The following MALRD1 variants were observed in gnomAD, a reference collection of about 807,000 sequenced individuals.
The protein encoded by MALRD1 is MAM and LDL-receptor class A domain-containing protein 1.
In MALRD1, 247 loss-of-function variants were observed where a neutral mutation model predicts 242.1. The ratio of observed to expected loss-of-function variants is 1.02; its 90% CI spans 0.92 to 1.13. The LOEUF is 1.13. Ranked by LOEUF, MALRD1 falls within the 50% of genes most tolerant of loss-of-function variation. The pLI is 0.00. For missense variants in MALRD1, 2,989 were observed against 2,533.1 expected, an observed-to-expected ratio of 1.18 and a Z score of -3.86; for synonymous variants, 995 against 866.6, an observed-to-expected ratio of 1.15 and a Z score of -2.60.
At chr10:19,569,682 T>C (rs1199843739) in intron 33 of MALRD1, among the ~76,000 whole-genome samples, 1 of 147,184 alleles carries the variant, frequency 6.8e-6, no homozygotes, top group Non-Finnish European at 1.5e-5. Flanking sequence ...TATTATATTA[T>C]TATATATTGT....
rs1030319070 is a variant in MALRD1, at chr10:19,680,560, A to C, written c.6138-11722A>C. On this transcript the variant is annotated intron_variant, in intron 36 of 39. Coordinates refer to ENST00000454679, the MANE Select transcript of MALRD1 (RefSeq NM_001142308.3). ...GATGTGAGATGGATCTCTTGAATGC[A>C]GCACACCGATGGGTCTTGACTCTGT... Among the ~76,000 whole-genome samples the C allele has an allele frequency of 1.4e-4, 22 of 152,138 alleles. 1 individual carries two copies. Among genetic ancestry groups the C allele is most frequent in the South Asian group, 2.1e-4 (1 of 4,828 alleles).
Position 19,204,391 on chromosome 10 carries a change from CCTGGATGCATA to C in MALRD1, c.2191_2201del (p.Gly731PhefsTer6). On this transcript the variant is annotated frameshift_variant, in exon 16 of 40. Coordinates refer to ENST00000454679, the MANE Select transcript of MALRD1 (RefSeq NM_001142308.3). LOFTEE classifies it high-confidence loss of function. ...GAGCCCAACTTTCAGCCAGACAGGA[CCTGGATGCATA>C]CTTTCCTTCTGGTAAATATTAAACA... The C allele has an allele frequency of 6.5e-7, 1 of 1,546,580 alleles. No homozygotes were observed.
At chr10:19,680,276 T>C (rs1842311244) in intron 36 of MALRD1, among the ~76,000 whole-genome samples, 1 of 152,148 alleles carries the variant, frequency 6.6e-6, no homozygotes, top group Admixed American at 6.5e-5. Context: ...GAAGTAAAAG[T>C]CTCTTTGTAG....
intron 1 of MALRD1, among the ~76,000 whole-genome samples, chr10:19,059,103 G>T (rs985361568): frequency 3.9e-5 from 6 of 151,998 alleles, no homozygotes; most frequent in African/African-American, 1.5e-4. Context: ...ATGATATTAG[G>T]TTAATGTTTA....
intron 32 of MALRD1, among the ~76,000 whole-genome samples, chr10:19,534,740 C>A (rs1834577140): frequency 2.0e-5 from 3 of 151,778 alleles, no homozygotes; most frequent in Admixed American, 2.0e-4. Context: ...TATCAGTTTG[C>A]AATTATGAAG....
chr10:19,314,460 G>A (rs940366541), intron 21 of MALRD1, among the ~76,000 whole-genome samples: 15 of 151,586 alleles, frequency 9.9e-5, no homozygotes, highest in African/African-American at 2.7e-4. Context: ...AGGAGGCATA[G>A]AGAAATGAAA....
intron 2 of MALRD1, among the ~76,000 whole-genome samples, chr10:19,067,313 T>G (rs1835010206): frequency 6.6e-6 from 1 of 152,164 alleles, no homozygotes. Flanking sequence ...TCTCTAGACT[T>G]TGAGGTAGCT....
chr10:19,238,739 G>A (rs922512380), intron 18 of MALRD1, among the ~76,000 whole-genome samples: 7 of 149,134 alleles, frequency 4.7e-5, no homozygotes, highest in African/African-American at 1.7e-4. Flanking sequence ...GGGATTGCTG[G>A]GTTATGTGAT....
chr10:19,469,219 A>T (rs1247018920), intron 29 of MALRD1, among the ~76,000 whole-genome samples: 1 of 152,128 alleles, frequency 6.6e-6, no homozygotes, highest in East Asian at 1.9e-4. Flanking sequence ...ATAAAATAAG[A>T]TGTTCCCCTT....
chr10:19,098,206 C>T (rs1231121761), intron 4 of MALRD1, among the ~76,000 whole-genome samples: 2 of 152,178 alleles, frequency 1.3e-5, no homozygotes, highest in Non-Finnish European at 2.9e-5. Context: ...CTATAGCTTA[C>T]TACTAAGTAT....
At chr10:19,103,124 C>T (rs1836327995) in intron 4 of MALRD1, among the ~76,000 whole-genome samples, 1 of 151,878 alleles carries the variant, frequency 6.6e-6, no homozygotes, top group Non-Finnish European at 1.5e-5. Flanking sequence ...GCTGGGATTA[C>T]AGGCGTGAGG....
intron 14 of MALRD1, among the ~76,000 whole-genome samples, chr10:19,198,116 T>TATACATAGATATTTA: frequency 6.6e-6 from 1 of 152,276 alleles, no homozygotes; most frequent in South Asian, 2.1e-4. Flanking sequence ...AAAGTGGTAG[T>TATACATAGATATTTA]ATACATAGAT....
At chr10:19,370,560 A>G (rs950007677) in intron 26 of MALRD1, among the ~76,000 whole-genome samples, 4 of 152,146 alleles carry the variant, frequency 2.6e-5, no homozygotes, top group African/African-American at 9.7e-5. Context: ...CAGCTTTGCT[A>G]AATTCACATA....
intron 32 of MALRD1, among the ~76,000 whole-genome samples, chr10:19,535,011 G>A (rs899782530): frequency 1.3e-5 from 2 of 151,968 alleles, no homozygotes; most frequent in South Asian, 2.1e-4. Flanking sequence ...TCAGCTTCCG[G>A]AGTAGCTGGG....
intron 33 of MALRD1, among the ~76,000 whole-genome samples, chr10:19,585,526 T>G (rs1168403271): frequency 6.6e-6 from 1 of 152,162 alleles, no homozygotes; most frequent in Admixed American, 6.6e-5. Flanking sequence ...TTGAAAATTC[T>G]TTTCTTTAAG....
At chr10:19,623,370 ATGC>A (rs1436120360) in intron 36 of MALRD1, among the ~76,000 whole-genome samples, 1 of 152,146 alleles carries the variant, frequency 6.6e-6, no homozygotes, top group Non-Finnish European at 1.5e-5. Flanking sequence ...ATAGAGAATG[ATGC>A]TGCTATTTAT....
chr10:19,186,864 AG>A (rs1345965144), intron 14 of MALRD1, among the ~76,000 whole-genome samples: 2 of 151,784 alleles, frequency 1.3e-5, no homozygotes, highest in Non-Finnish European at 2.9e-5. Context: ...TTCCATTTTC[AG>A]GTTAGCAATG....
Position 19,311,277 on chromosome 10 carries a change from G to A in MALRD1, c.3420-12672G>A, listed in dbSNP as rs994071068. Among the ~76,000 whole-genome samples, 53 of 151,306 alleles carry A rather than the reference G, an allele frequency of 3.5e-4. 1 individual carries two copies. The Admixed American group carries it at 3.5e-3, about 10-fold the overall frequency. On this transcript the variant is annotated intron_variant, in intron 21 of 39. Coordinates refer to ENST00000454679, the MANE Select transcript of MALRD1 (RefSeq NM_001142308.3). ...CCTTGGTTATATTTTTCATGAGTATGTAGGAAGTTTCTTATAAAAAAAGAA... is the reference window on the plus strand; with the variant it reads ...CCTTGGTTATATTTTTCATGAGTATATAGGAAGTTTCTTATAAAAAAAGAA...
chr10:19,575,186 C>T (rs999141106), intron 33 of MALRD1, among the ~76,000 whole-genome samples: 3 of 152,254 alleles, frequency 2.0e-5, no homozygotes, highest in African/African-American at 4.8e-5. Flanking sequence ...ATGGCAAATG[C>T]AATACTCATG....
Sources: allele counts gnomAD v4.1 joint callset (sites outside exome capture counted in the v4.1 genomes callset), GRCh38; gene constraint gnomAD v4.1.1; transcripts MANE v1.5; gene names NCBI Gene and HGNC (gene_info 2026-07-23, HGNC 2026-07-21).